Variants in NHERF1 observed in about 807,000 individuals in gnomAD.
NHERF1 encodes the protein NHERF family PDZ scaffold protein 1, also known as Na(+)/H(+) exchange regulatory cofactor NHE-RF1.
the NHERF1 span, among the ~76,000 whole-genome samples, chr17:74,753,541 C>G: frequency 1.3e-5 from 2 of 152,166 alleles, no homozygotes; most frequent in African/African-American, 4.8e-5. Flanking sequence ...CTGGTTCTTA[C>G]CTTCAAGCTC....
chr17:74,768,985 C>T, the NHERF1 span: 1 of 396,688 alleles, frequency 2.5e-6, no homozygotes, highest in South Asian at 2.5e-5. Flanking sequence ...AGGGCACCCT[C>T]CCTTCCTCCC....
chr17:74,766,944 C>G, the NHERF1 span: 1 of 1,614,092 alleles, frequency 6.2e-7, no homozygotes, highest in Non-Finnish European at 8.5e-7. Flanking sequence ...AGGTCCCCTG[C>G]CTGTGCCCTT....
chr17:74,749,171 G>T, the NHERF1 span: 296 of 1,535,534 alleles, frequency 1.9e-4, 5 homozygotes, highest in South Asian at 3.3e-3. The surrounding 1 kb of genome is among the most constrained non-coding windows in gnomAD (Gnocchi z 5.6). Flanking sequence ...GGTCCGAGAG[G>T]AGCTGCTGCG....
At chr17:74,768,772 T>C in the NHERF1 span, 1 of 836,700 alleles carries the variant, frequency 1.2e-6, no homozygotes, top group South Asian at 1.6e-5. Context: ...ACATCCCCTT[T>C]CTTGACAAAT....
At chr17:74,764,290 G>A in the NHERF1 span, among the ~76,000 whole-genome samples, 1 of 152,222 alleles carries the variant, frequency 6.6e-6, no homozygotes, top group Non-Finnish European at 1.5e-5. This position sits in a 1 kb window ranked among gnomAD's most constrained non-coding sequence, Gnocchi z 4.9. Context: ...TGTGTAAAAG[G>A]AGATTCACAC....
the NHERF1 span, chr17:74,762,278 A>G: frequency 1.1e-6 from 1 of 925,794 alleles, no homozygotes; most frequent in Non-Finnish European, 1.6e-6. This position sits in a 1 kb window ranked among gnomAD's most constrained non-coding sequence, Gnocchi z 4.2. Context: ...GCCCACGGGC[A>G]TAGCCAACCT....
At chr17:74,748,862 G>GCGGCCGGGGCGCCCCTGCCC in the NHERF1 span, 1 of 1,594,142 alleles carries the variant, frequency 6.3e-7, no homozygotes, top group African/African-American at 1.3e-5. The surrounding 1 kb of genome is among the most constrained non-coding windows in gnomAD (Gnocchi z 4.3). Flanking sequence ...CGCGGACGCA[G>GCGGCCGGGGCGCCCCTGCCC]CGGCCGGGGC....
the NHERF1 span, chr17:74,768,648 A>G: frequency 1.9e-6 from 3 of 1,613,832 alleles, no homozygotes; most frequent in Non-Finnish European, 2.5e-6. Flanking sequence ...ACTCTTCAGC[A>G]ACCTCTGAGC....
the NHERF1 span, chr17:74,767,853 A>T: frequency 2.2e-6 from 1 of 462,644 alleles, no homozygotes; most frequent in Non-Finnish European, 4.1e-6. Context: ...GCCAGTACCT[A>T]AAAGCCACAT....
the NHERF1 span, chr17:74,748,942 G>C: frequency 1.9e-6 from 3 of 1,604,826 alleles, no homozygotes; most frequent in African/African-American, 1.3e-5. The surrounding 1 kb of genome is among the most constrained non-coding windows in gnomAD (Gnocchi z 4.3). Flanking sequence ...ACGGGGAGAA[G>C]GGCAAGTTGG....
the NHERF1 span, among the ~76,000 whole-genome samples, chr17:74,758,379 G>T: frequency 6.6e-6 from 1 of 152,200 alleles, no homozygotes; most frequent in African/African-American, 2.4e-5. This position sits in a 1 kb window ranked among gnomAD's most constrained non-coding sequence, Gnocchi z 4.3. Context: ...TCCGGGCAGG[G>T]TCTTTTCTGG....
the NHERF1 span, among the ~76,000 whole-genome samples, chr17:74,750,719 ATTCT>A: frequency 1.4e-5 from 2 of 146,406 alleles, no homozygotes; most frequent in Admixed American, 1.4e-4. Context: ...TCGATTTGAC[ATTCT>A]TTTTTTTTTT....
chr17:74,753,053 A>G, the NHERF1 span, among the ~76,000 whole-genome samples: 1 of 152,234 alleles, frequency 6.6e-6, no homozygotes, highest in Admixed American at 6.5e-5. Flanking sequence ...GCCTGCTAGC[A>G]GCTTCTATTT....
the NHERF1 span, chr17:74,768,126 C>T: frequency 3.2e-6 from 5 of 1,571,518 alleles, no homozygotes; most frequent in Non-Finnish European, 4.4e-6. Flanking sequence ...TGACAACCCA[C>T]AACCCTCTCC....
chr17:74,761,380 G>A, the NHERF1 span, among the ~76,000 whole-genome samples: 2 of 152,218 alleles, frequency 1.3e-5, no homozygotes, highest in Non-Finnish European at 2.9e-5. The surrounding 1 kb of genome is among the most constrained non-coding windows in gnomAD (Gnocchi z 4.3). Context: ...CCCTTGCTGT[G>A]CTGAACAATA....
At chr17:74,753,669 G>A in the NHERF1 span, among the ~76,000 whole-genome samples, 1 of 150,280 alleles carries the variant, frequency 6.7e-6, no homozygotes, top group Admixed American at 6.6e-5. Context: ...CGGGAGGATC[G>A]CTTAAGCCCA....
chr17:74,768,115 C>T, the NHERF1 span: 1 of 1,498,382 alleles, frequency 6.7e-7, no homozygotes, highest in Middle Eastern at 1.7e-4. Context: ...ACCCCATCCT[C>T]TGACAACCCA....
At chr17:74,749,313 C>A in the NHERF1 span, 4 of 1,521,192 alleles carry the variant, frequency 2.6e-6, no homozygotes, top group Admixed American at 6.1e-5. This position sits in a 1 kb window ranked among gnomAD's most constrained non-coding sequence, Gnocchi z 5.6. Flanking sequence ...GCCGCGCAGG[C>A]TGGCATGGAG....
the NHERF1 span, among the ~76,000 whole-genome samples, chr17:74,750,627 G>C: frequency 9.9e-5 from 15 of 152,272 alleles, 1 homozygote. Flanking sequence ...CCGGAGCAAG[G>C]AGGTTGATGC....
Sources: gnomAD v4.1 joint callset for allele counts (sites outside exome capture counted in the v4.1 genomes callset) on GRCh38, gnomAD v4.1.1 for gene constraint, Gnocchi (gnomAD v3.1) non-coding constraint, MANE v1.5 for transcripts, NCBI Gene and HGNC (gene_info 2026-07-23, HGNC 2026-07-21) for gene names.